TANC2: variants seen among roughly 807,000 people sequenced by gnomAD.
TANC2 encodes the protein tetratricopeptide repeat, ankyrin repeat and coiled-coil containing 2.
Under a neutral mutation model 210.5 loss-of-function variants are expected in TANC2, and 26 were observed. The ratio of observed to expected loss-of-function variants is 0.12; its 90% confidence interval spans 0.09 to 0.17. TANC2 has a LOEUF of 0.17. Ranked by LOEUF, TANC2 falls within the 10% of genes least tolerant of loss-of-function variation. The pLI, the probability that TANC2 is intolerant of heterozygous loss-of-function variation, is 1.00. For synonymous variants in TANC2, 931 were observed against 967.1 expected (o/e 0.96, Z 0.69); for missense variants, 2,129 against 2,608.9 (o/e 0.82, Z 4.01).
chr17:63,144,240 T>C (rs1014937984), intron 4 of TANC2, among the ~76,000 whole-genome samples: 1 of 152,198 alleles, frequency 6.6e-6, no homozygotes, highest in Admixed American at 6.5e-5. Context: ...TTTGCTTAGA[T>C]GAAATGAATC....
intron 8 of TANC2, among the ~76,000 whole-genome samples, chr17:63,259,974 T>G (rs1241501411): frequency 6.6e-6 from 1 of 152,252 alleles, no homozygotes; most frequent in African/African-American, 2.4e-5. Context: ...GAGCTGTGAT[T>G]TATTAGTATA....
chr17:62,993,153 A>G (rs1484833135), intron 1 of TANC2, among the ~76,000 whole-genome samples: 4 of 152,164 alleles, frequency 2.6e-5, no homozygotes, highest in African/African-American at 4.8e-5. Context: ...AAATCTCCCT[A>G]TTTTAAGGTC....
chr17:63,261,711 C>T (rs751167237), intron 8 of TANC2, among the ~76,000 whole-genome samples: 4 of 152,220 alleles, frequency 2.6e-5, no homozygotes, highest in Non-Finnish European at 4.4e-5. Context: ...GTAACCTTAA[C>T]AATTAACAAA....
intron 1 of TANC2, among the ~76,000 whole-genome samples, chr17:62,982,314 G>C (rs1158490744): frequency 6.6e-6 from 1 of 152,066 alleles, no homozygotes; most frequent in South Asian, 2.1e-4. Flanking sequence ...GGGGACAAAG[G>C]TTCAGCAAAA....
intron 5 of TANC2, among the ~76,000 whole-genome samples, chr17:63,161,223 G>A (rs980927215): frequency 1.3e-5 from 2 of 152,134 alleles, no homozygotes; most frequent in African/African-American, 4.8e-5. Context: ...ATAGCTAGGT[G>A]TGGTGGTGTG....
At chr17:62,976,345 C>T (rs2031999803) in intron 1 of TANC2, among the ~76,000 whole-genome samples, 1 of 152,058 alleles carries the variant, frequency 6.6e-6, no homozygotes, top group Non-Finnish European at 1.5e-5. Flanking sequence ...TTGCTCCTTA[C>T]ACCCCTACCC....
chr17:63,327,035 A>G (rs922135287), intron 11 of TANC2, among the ~76,000 whole-genome samples: 2 of 152,226 alleles, frequency 1.3e-5, no homozygotes, highest in African/African-American at 4.8e-5. Context: ...TTCAATGGCA[A>G]AAAACAACCT....
chr17:63,081,658 A>G (rs1158360728), intron 3 of TANC2, among the ~76,000 whole-genome samples: 1 of 152,172 alleles, frequency 6.6e-6, no homozygotes, highest in African/African-American at 2.4e-5. Context: ...GTTTCCGCAT[A>G]TATGAGTGTT....
intron 11 of TANC2, among the ~76,000 whole-genome samples, chr17:63,339,536 T>TA (rs1210292771): frequency 6.6e-6 from 1 of 152,230 alleles, no homozygotes; most frequent in Non-Finnish European, 1.5e-5. Context: ...CTAATTCTGA[T>TA]ACTCTTTTTC....
intron 15 of TANC2, among the ~76,000 whole-genome samples, chr17:63,384,593 C>G (rs927586089): frequency 6.6e-6 from 1 of 151,862 alleles, no homozygotes; most frequent in Non-Finnish European, 1.5e-5. Flanking sequence ...TATATCTTTC[C>G]CTTACCCCAT....
intron 2 of TANC2, among the ~76,000 whole-genome samples, chr17:63,022,251 G>T (rs1226582886): frequency 1.3e-5 from 2 of 150,504 alleles, no homozygotes; most frequent in African/African-American, 4.9e-5. Context: ...CTGAGGCAGA[G>T]AATTGCTTAA....
chr17:63,271,882 TC>T (rs1460316924), intron 9 of TANC2, among the ~76,000 whole-genome samples: 1 of 152,194 alleles, frequency 6.6e-6, no homozygotes, highest in African/African-American at 2.4e-5. Context: ...TGCAAAATTT[TC>T]TCCCATTCTG....
chr17:63,220,069 TG>T (rs1169704905), intron 7 of TANC2, among the ~76,000 whole-genome samples: 2 of 151,812 alleles, frequency 1.3e-5, no homozygotes, highest in African/African-American at 4.8e-5. Flanking sequence ...TCGAGGTGGG[TG>T]GATCACCGGA....
intron 2 of TANC2, among the ~76,000 whole-genome samples, chr17:63,053,328 C>T (rs2035650324): frequency 6.6e-6 from 1 of 152,236 alleles, no homozygotes; most frequent in South Asian, 2.1e-4. Flanking sequence ...AGAGAGAGAC[C>T]ATGCTAAACC....
At chr17:63,092,816 A>G (rs191217815) in intron 3 of TANC2, among the ~76,000 whole-genome samples, 9 of 152,210 alleles carry the variant, frequency 5.9e-5, no homozygotes, top group Admixed American at 5.9e-4. Context: ...CACCTTCAGT[A>G]TTGGTGATTA....
chr17:63,144,995 G>T (rs775279453), intron 4 of TANC2, among the ~76,000 whole-genome samples: 4 of 151,436 alleles, frequency 2.6e-5, no homozygotes, highest in Non-Finnish European at 5.9e-5. Context: ...GTGCCAAAAT[G>T]TCAGATTCTA....
chr17:63,237,413 C>A (rs752199232), intron 7 of TANC2, among the ~76,000 whole-genome samples: 6 of 152,012 alleles, frequency 3.9e-5, no homozygotes, highest in Non-Finnish European at 8.8e-5. Context: ...TCCCATTCTG[C>A]AGGTTCTTTT....
At chr17:63,123,648 A>T (rs1157534828) in intron 4 of TANC2, among the ~76,000 whole-genome samples, 1 of 149,412 alleles carries the variant, frequency 6.7e-6, no homozygotes, top group African/African-American at 2.4e-5. Context: ...TTATACCCGT[A>T]GAGAGTATAG....
At position 63,237,840 on chromosome 17, in the gene TANC2, G is replaced by T. The variant is rs1188923003; in HGVS notation, c.796G>T (p.Val266Leu). ...TACATTAACAAGCTATTCTGAAAAT[G>T]TGGAACGCACAAAATATGCTGGGGA... is the stretch of plus-strand genomic sequence containing the variant. Residue 266 changes from valine to leucine, a missense_variant, in exon 8 of 28, where the codon GTG becomes TTG. Coordinates refer to ENST00000689528, the Ensembl canonical transcript of TANC2. 16 of 1,548,396 alleles carry T rather than the reference G, an allele frequency of 1.0e-5. No individual in the cohort carries two copies. The highest frequency in any genetic ancestry group is 2.0e-5 in the Admixed American group (1 of 50,402).
Sources: allele counts gnomAD v4.1 joint callset (sites outside exome capture counted in the v4.1 genomes callset), GRCh38; gene constraint gnomAD v4.1.1; transcripts MANE v1.5; gene names NCBI Gene and HGNC (gene_info 2026-07-23, HGNC 2026-07-21).